The following DNAH9 variants were observed in gnomAD, a reference collection of about 807,000 sequenced individuals.
DNAH9 encodes the protein dynein axonemal heavy chain 9.
DNAH9 carries 345 observed loss-of-function variants against 471.6 expected under a neutral mutation model. The observed-to-expected ratio is 0.73, with a 90% confidence interval of 0.67 to 0.80. The LOEUF (loss-of-function observed/expected upper bound fraction) is 0.80, where lower values mean the gene tolerates loss of function less well. DNAH9 is among the 30% of genes least tolerant of loss of function. The pLI, the probability that DNAH9 is intolerant of heterozygous loss-of-function variation, is 0.00. For missense variants in DNAH9, 5,407 were observed against 5,609.2 expected (o/e 0.96, Z 1.15); for synonymous variants, 2,093 against 2,123.6 (o/e 0.99, Z 0.40).
intron 27 of DNAH9, among the ~76,000 whole-genome samples, chr17:11,726,671 A>G (rs1487083315): frequency 6.6e-6 from 1 of 152,162 alleles, no homozygotes; most frequent in Admixed American, 6.5e-5. Flanking sequence ...TATATACCTT[A>G]TCTCCTCAAC....
intron 28 of DNAH9, among the ~76,000 whole-genome samples, chr17:11,731,504 C>G (rs541428529): frequency 6.6e-5 from 10 of 150,536 alleles, no homozygotes; most frequent in Non-Finnish European, 1.2e-4. Flanking sequence ...CACCCATTAA[C>G]TCGTCATTTA....
rs200776116 is a variant in DNAH9, at chr17:11,744,998, C to G, written c.6313C>G (p.Arg2105Gly). Residue 2105 changes from arginine (R) to glycine (G), a missense_variant, in exon 31 of 69, where the codon CGG becomes GGG. By Grantham distance (125) the Arg-to-Gly change is moderately radical. Coordinates refer to ENST00000262442, the MANE Select transcript of DNAH9 (RefSeq NM_001372.4). ...GDLFPALDVP[R>G]RRDPNFEALV... The stretch of plus-strand genomic sequence containing the variant: ...CCTCTTTCCCGCCCTGGATGTCCCC[C>G]GGAGGAGAGACCCCAACTTCGAAGC... The G allele has an allele frequency of 6.2e-7, 1 of 1,614,012 alleles. No homozygotes were observed. Among genetic ancestry groups the G allele is most frequent in the Non-Finnish European group, 8.5e-7 (1 of 1,179,906 alleles).
intron 5 of DNAH9, 150 bp downstream of exon 5, chr17:11,617,772 C>T: frequency 9.6e-6 from 6 of 625,626 alleles, no homozygotes; most frequent in Non-Finnish European, 1.7e-5. Flanking sequence ...ATTTTACTCT[C>T]AGAAGCCAAT....
intron 49 of DNAH9, among the ~76,000 whole-genome samples, chr17:11,846,015 C>T (rs1597727165): frequency 6.6e-6 from 1 of 151,998 alleles, no homozygotes; most frequent in Non-Finnish European, 1.5e-5. Context: ...AATTACATCC[C>T]ATTTGTCAGT....
intron 22 of DNAH9, among the ~76,000 whole-genome samples, chr17:11,697,847 G>C (rs1357365781): frequency 6.6e-6 from 1 of 151,546 alleles, no homozygotes; most frequent in African/African-American, 2.4e-5. Context: ...CTCTGTCATT[G>C]TTAGTCTCCT....
chr17:11,942,958 T>C (rs983610099), intron 67 of DNAH9, among the ~76,000 whole-genome samples: 15 of 148,770 alleles, frequency 1.0e-4, no homozygotes, highest in South Asian at 2.2e-4. Flanking sequence ...TGCAGTGGTG[T>C]GATCTCGGCT....
At chr17:11,870,100 A>G (rs1351981412) in intron 51 of DNAH9, among the ~76,000 whole-genome samples, 1 of 152,206 alleles carries the variant, frequency 6.6e-6, no homozygotes, top group Non-Finnish European at 1.5e-5. Context: ...TCAGGACATC[A>G]AGGACAAGTG....
At chr17:11,742,618 G>C (rs1487319165) in intron 30 of DNAH9, among the ~76,000 whole-genome samples, 1 of 152,148 alleles carries the variant, frequency 6.6e-6, no homozygotes, top group Non-Finnish European at 1.5e-5. Flanking sequence ...TGGAGGAAAT[G>C]GTCTGTACCT....
chr17:11,843,863 G>GTGTGTGTGTCTATATATATA (rs1253794533), intron 49 of DNAH9, among the ~76,000 whole-genome samples: 1 of 46,466 alleles, frequency 2.2e-5, no homozygotes, highest in African/African-American at 8.1e-5. Flanking sequence ...GTGTGTGTGT[G>GTGTGTGTGTCTATATATATA]TATATATATA....
chr17:11,805,389 T>C (rs191881109), intron 43 of DNAH9, among the ~76,000 whole-genome samples: 79 of 152,130 alleles, frequency 5.2e-4, no homozygotes, highest in African/African-American at 1.6e-3. Context: ...CTTATGTTGC[T>C]CCACCCTACT....
chr17:11,685,350 A>T (rs1433249580), intron 19 of DNAH9, among the ~76,000 whole-genome samples: 1 of 152,226 alleles, frequency 6.6e-6, no homozygotes, highest in Non-Finnish European at 1.5e-5. Flanking sequence ...GGAAAACTGC[A>T]TGTGTGTATG....
intron 51 of DNAH9, among the ~76,000 whole-genome samples, chr17:11,869,897 G>A (rs1260615222): frequency 6.6e-6 from 1 of 152,214 alleles, no homozygotes; most frequent in African/African-American, 2.4e-5. Flanking sequence ...TCTGCTCCAT[G>A]TGGCCATGAC....
chr17:11,776,065 T>TA (rs1968419653), intron 38 of DNAH9, among the ~76,000 whole-genome samples: 1 of 152,170 alleles, frequency 6.6e-6, no homozygotes, highest in African/African-American at 2.4e-5. Flanking sequence ...GCACACACTT[T>TA]AATGTTTACA....
At position 11,886,867 on chromosome 17, in the gene DNAH9, C is replaced by T. The variant is rs112905609; in HGVS notation, c.11014C>T (p.Arg3672Ter). 13 of 1,612,698 alleles carry T rather than the reference C, an allele frequency of 8.1e-6. No homozygotes were observed. The highest frequency in any genetic ancestry group is 2.2e-5 in the East Asian group (1 of 44,826). ...GACTGAAGTGAAAATCAACGAGGCC[C>T]GAGAGCACTACCGGCCAGCAGCTGC... ...KVTEVKINEA[R>*]EHYRPAAARA... The change falls in exon 57 of 69, where the codon CGA becomes TGA. Residue 3672 changes from arginine to a stop codon, truncating the protein, a stop_gained. Transcript: ENST00000262442. LOFTEE classifies it high-confidence loss of function.
intron 45 of DNAH9, among the ~76,000 whole-genome samples, chr17:11,818,685 T>A (rs1970198139): frequency 6.6e-6 from 1 of 152,012 alleles, no homozygotes; most frequent in Non-Finnish European, 1.5e-5. Context: ...AATGGGAAAA[T>A]TTTGTTTTTC....
At chr17:11,686,149 A>G (rs929288640) in intron 19 of DNAH9, among the ~76,000 whole-genome samples, 4 of 152,100 alleles carry the variant, frequency 2.6e-5, no homozygotes, top group African/African-American at 7.2e-5. Context: ...CGTTCATGGT[A>G]TACACAGATA....
At chr17:11,766,914 A>G (rs1370719985) in intron 36 of DNAH9, among the ~76,000 whole-genome samples, 1 of 151,566 alleles carries the variant, frequency 6.6e-6, no homozygotes, top group Non-Finnish European at 1.5e-5. Flanking sequence ...GGTTGCCGTG[A>G]GCTGAGATCG....
intron 66 of DNAH9, among the ~76,000 whole-genome samples, chr17:11,941,260 AT>A (rs1157369232): frequency 6.6e-6 from 1 of 152,166 alleles, no homozygotes; most frequent in Non-Finnish European, 1.5e-5. Flanking sequence ...AAAAACAGAT[AT>A]CCACCACAGG....
In DNAH9 at chr17:11,834,658, G is replaced by A; in HGVS notation, c.9267G>A (p.Lys3089=). Residue 3089 remains lysine, a synonymous_variant, in exon 49 of 69, where the codon AAG becomes AAA. Transcript: ENST00000262442. The part of the protein sequence containing the change: ...TSAQVDDLKA[K]LAAQEVELKQ... The stretch of plus-strand genomic sequence containing the variant: ...TGCAGGTGGATGATCTGAAAGCAAA[G>A]CTGGCTGCCCAGGAAGTAGAGCTGA... 6.2e-7 allele frequency: 1 copy of A among 1,614,104 alleles called. No homozygotes were observed. Among genetic ancestry groups the A allele is most frequent in the Non-Finnish European group, 8.5e-7 (1 of 1,180,026 alleles).
Sources: gnomAD v4.1 joint callset for allele counts (sites outside exome capture counted in the v4.1 genomes callset) on GRCh38, gnomAD v4.1.1 for gene constraint, MANE v1.5 for transcripts, NCBI Gene and HGNC (gene_info 2026-07-23, HGNC 2026-07-21) for gene names.